Variants in SMYD3 observed in about 807,000 individuals in gnomAD.
The protein encoded by SMYD3 is histone-lysine N-methyltransferase SMYD3.
Under a neutral mutation model 57.7 loss-of-function variants are expected in SMYD3, and 36 were observed. That is an observed-to-expected ratio of 0.62 (90% CI 0.48 to 0.82). The LOEUF (loss-of-function observed/expected upper bound fraction) is 0.82. Ranked by LOEUF, SMYD3 falls within the 40% of genes least tolerant of loss-of-function variation. SMYD3 has a pLI of 0.00. For missense variants in SMYD3, 515 were observed against 538.8 expected (o/e 0.96, Z 0.44); for synonymous variants, 211 against 195.0 (o/e 1.08, Z -0.68).
chr1:246,364,988 T>A (rs769743288), intron 1 of SMYD3, among the ~76,000 whole-genome samples: 2 of 152,154 alleles, frequency 1.3e-5, no homozygotes, highest in Non-Finnish European at 2.9e-5. Context: ...TGTAACTACA[T>A]AAGTTTCTGA....
chr1:246,189,837 C>T (rs2062703146), intron 5 of SMYD3, among the ~76,000 whole-genome samples: 1 of 152,154 alleles, frequency 6.6e-6, no homozygotes, highest in Admixed American at 6.5e-5. Context: ...AACTCCCAGG[C>T]ACAGCAACGG....
chr1:246,353,159 G>A (rs2065858924), intron 2 of SMYD3, among the ~76,000 whole-genome samples: 1 of 152,018 alleles, frequency 6.6e-6, no homozygotes, highest in Admixed American at 6.6e-5. Context: ...TTCTAGCTTC[G>A]ACAAAACTTT....
chr1:246,102,735 T>C (rs1033465669), intron 5 of SMYD3, among the ~76,000 whole-genome samples: 2 of 149,494 alleles, frequency 1.3e-5, no homozygotes, highest in Non-Finnish European at 2.9e-5. Context: ...AAGTGAGACC[T>C]TGGCTCTCAA....
intron 5 of SMYD3, among the ~76,000 whole-genome samples, chr1:246,089,742 A>G (rs1429368941): frequency 3.3e-5 from 5 of 152,200 alleles, no homozygotes; most frequent in African/African-American, 1.2e-4. Flanking sequence ...TGGTATGAAC[A>G]GGAGATGAGT....
chr1:246,088,354 A>C (rs939699760), intron 5 of SMYD3, among the ~76,000 whole-genome samples: 1 of 151,954 alleles, frequency 6.6e-6, no homozygotes, highest in Admixed American at 6.6e-5. Context: ...TCACGCCTGT[A>C]ATCCCAGCAC....
At chr1:245,834,960 A>G (rs1407894068) in intron 10 of SMYD3, among the ~76,000 whole-genome samples, 2 of 152,236 alleles carry the variant, frequency 1.3e-5, no homozygotes, top group East Asian at 1.9e-4. Context: ...GGCCTTTTCC[A>G]TTATATGAGA....
intron 5 of SMYD3, among the ~76,000 whole-genome samples, chr1:246,318,275 G>A (rs754504573): frequency 2.0e-5 from 3 of 152,080 alleles, no homozygotes; most frequent in African/African-American, 2.4e-5. Context: ...AGTCCCAGCT[G>A]GGCAGGGGAA....
chr1:246,093,675 AT>A (rs1452726182), intron 5 of SMYD3, among the ~76,000 whole-genome samples: 4 of 151,536 alleles, frequency 2.6e-5, no homozygotes, highest in Non-Finnish European at 4.4e-5. Context: ...TACAATTATT[AT>A]GTATCAATAA....
At chr1:245,932,372 C>G (rs2056771699) in intron 5 of SMYD3, among the ~76,000 whole-genome samples, 1 of 152,190 alleles carries the variant, frequency 6.6e-6, no homozygotes, top group African/African-American at 2.4e-5. Context: ...CACTGGGAAA[C>G]TCTTCCTGAT....
chr1:246,378,847 A>C (rs149644518), intron 1 of SMYD3, among the ~76,000 whole-genome samples: 6,377 of 116,472 alleles, frequency 0.055, 262 homozygotes, highest in Middle Eastern at 0.086. Context: ...ATTATATATA[A>C]TATATTTATA....
intron 1 of SMYD3, among the ~76,000 whole-genome samples, chr1:246,489,344 T>C (rs2068234877): frequency 6.6e-6 from 1 of 152,014 alleles, no homozygotes; most frequent in Non-Finnish European, 1.5e-5. Context: ...AGAGCGAGAC[T>C]CCATCTCAAA....
chr1:246,029,594 C>A (rs1391024831), intron 5 of SMYD3, among the ~76,000 whole-genome samples: 1 of 150,926 alleles, frequency 6.6e-6, no homozygotes, highest in Non-Finnish European at 1.5e-5. Context: ...ATTGCTTGAG[C>A]CCGGGAGACA....
Position 246,182,167 on chromosome 1 carries a change from AAG to A in SMYD3, c.531+145032_531+145033del, listed in dbSNP as rs916144992. Among the ~76,000 whole-genome samples, 19 of 152,102 alleles carry A rather than the reference AAG, an allele frequency of 1.2e-4. 2 individuals carry two copies. Among genetic ancestry groups the A allele is most frequent in the Admixed American group, 1.2e-3 (19 of 15,252 alleles). On this transcript the variant is annotated intron_variant, in intron 5 of 11. Transcript: ENST00000490107. ...ATCGTAACTGAAATCCAGCACATTAAAGAGAGAGAGAAAGAGATCAACTTTTA... is the reference window on the plus strand; with the variant it reads ...ATCGTAACTGAAATCCAGCACATTAAAGAGAGAGAAAGAGATCAACTTTTA...
rs774428401 is a variant in SMYD3 at position 245,858,605 on chromosome 1, T to C, written c.967A>G (p.Ile323Val). 8 of 1,614,112 alleles carry C rather than the reference T, an allele frequency of 5.0e-6. No homozygotes were observed. In the South Asian group the frequency reaches 8.8e-5, roughly 18 times the overall value. Residue 323 changes from isoleucine to valine, a missense_variant, in exon 10 of 12, where the codon ATC (isoleucine) becomes GTC (valine). Physicochemically the swap from Ile to Val is conservative, Grantham distance 29. Coordinates refer to ENST00000490107, the MANE Select transcript of SMYD3 (RefSeq NM_001167740.2). ...ISSNSERLPD[I>V]NIYQLKVLDC... The stretch of plus-strand genomic sequence containing the variant: ...AGCACCTTCAGCTGGTAGATGTTGA[T>C]ATCGGGAAGCCGTTCAGAATTGCTG...
chr1:246,490,100 A>G (rs1205578372), intron 1 of SMYD3, among the ~76,000 whole-genome samples: 1 of 151,126 alleles, frequency 6.6e-6, no homozygotes, highest in Non-Finnish European at 1.5e-5. Flanking sequence ...TGACCTCCCA[A>G]AGTGCTGGCA....
chr1:246,267,471 T>C (rs938144957), intron 5 of SMYD3, among the ~76,000 whole-genome samples: 2 of 152,224 alleles, frequency 1.3e-5, no homozygotes, highest in African/African-American at 4.8e-5. Flanking sequence ...ATGAACACTT[T>C]GGGGAAACAT....
chr1:246,228,883 T>C (rs1197680554), intron 5 of SMYD3, among the ~76,000 whole-genome samples: 1 of 152,142 alleles, frequency 6.6e-6, no homozygotes, highest in African/African-American at 2.4e-5. Flanking sequence ...CCATGATCTT[T>C]GAGACAAAAA....
At chr1:246,208,144 T>C (rs1340901433) in intron 5 of SMYD3, among the ~76,000 whole-genome samples, 1 of 152,192 alleles carries the variant, frequency 6.6e-6, no homozygotes, top group Non-Finnish European at 1.5e-5. Context: ...TATTATCTCA[T>C]AGGCTAAATC....
intron 10 of SMYD3, among the ~76,000 whole-genome samples, chr1:245,775,074 T>C (rs996808187): frequency 4.6e-5 from 7 of 152,108 alleles, no homozygotes; most frequent in Non-Finnish European, 1.0e-4. Context: ...CCCAGCCGCC[T>C]GCCTTGGCCT....
Sources: gnomAD v4.1 joint callset for allele counts (sites outside exome capture counted in the v4.1 genomes callset) on GRCh38, gnomAD v4.1.1 for gene constraint, MANE v1.5 for transcripts, NCBI Gene and HGNC (gene_info 2026-07-23, HGNC 2026-07-21) for gene names.